Variants in TUBGCP6 observed in about 807,000 individuals in gnomAD.
TUBGCP6 encodes the protein tubulin gamma complex component 6.
Under a neutral mutation model 175.8 loss-of-function variants are expected in TUBGCP6, and 161 were observed. The observed-to-expected ratio is 0.92, with a 90% CI of 0.81 to 1.04. The LOEUF (loss-of-function observed/expected upper bound fraction) is 1.04. Among genes scored for constraint, TUBGCP6 ranks in the 50% least tolerant of loss-of-function variants. TUBGCP6 has a pLI of 0.00. For missense variants in TUBGCP6, 2,572 were observed against 2,433.0 expected, an observed-to-expected ratio of 1.06 and a Z score of -1.20; for synonymous variants, 1,173 against 1,030.5, an observed-to-expected ratio of 1.14 and a Z score of -2.65.
chr22:50,218,638 T>A lies in TUBGCP6; in HGVS notation c.4822-18A>T, dbSNP rs2064459728. The A allele has an allele frequency of 6.2e-7, 1 of 1,613,726 alleles. No homozygotes were observed. The highest frequency in any genetic ancestry group is 8.5e-7 in the Non-Finnish European group (1 of 1,179,898). ...CAGTCCACCTGCCAGGAGGCGTGGC[T>A]CAGCAGGCATCCCACAGGCAGGCAG... On this transcript the variant is annotated intron_variant, in intron 21 of 24. Coordinates refer to ENST00000248846, the MANE Select transcript of TUBGCP6 (RefSeq NM_020461.4).
chr22:50,219,249 G>T lies in TUBGCP6; in HGVS notation c.4484+39C>A, dbSNP rs767337736. The T allele has an allele frequency of 7.5e-6, 12 of 1,610,424 alleles. No individual in the cohort carries two copies. In the South Asian group the frequency reaches 1.2e-4, roughly 16 times the overall value. On this transcript the variant is annotated intron_variant, in intron 19 of 24. Coordinates refer to ENST00000248846, the MANE Select transcript of TUBGCP6 (RefSeq NM_020461.4). ...CTGGAGTCAGGGCGGGCCAGGACGG[G>T]CTGGGTGGGCAGACTGGCGCAGGGG... is the stretch of plus-strand genomic sequence containing the variant.
In TUBGCP6 at chr22:50,238,722, A is replaced by G. The variant is rs1286843507; in HGVS notation, c.905+1482T>C. ...CTGGCTAATTTTTTGTATTTTTAGT[A>G]GAGACGGGGTTTCACTGTGTTAGCC... is the stretch of plus-strand genomic sequence containing the variant. On this transcript the variant is annotated intron_variant, in intron 2 of 24. Coordinates refer to ENST00000248846, the MANE Select transcript of TUBGCP6 (RefSeq NM_020461.4). 2.0e-5 allele frequency among the ~76,000 whole-genome samples: 3 copies of G among 151,982 alleles called. No homozygotes were observed. In the East Asian group the frequency reaches 5.9e-4, roughly 30 times the overall value.
intron 24 of TUBGCP6, 25 bp from the exon 25 acceptor site, chr22:50,217,852 C>G: frequency 6.2e-7 from 1 of 1,612,398 alleles, no homozygotes; most frequent in Non-Finnish European, 8.5e-7. Context: ...GCAGCTCAGG[C>G]TTTTGCCCAC....
Position 50,222,524 on chromosome 22 carries a change from C to T in TUBGCP6, c.2339G>A (p.Trp780Ter), listed in dbSNP as rs1602512628. The T allele has an allele frequency of 6.2e-7, 1 of 1,613,744 alleles. No homozygotes were observed. The highest frequency in any genetic ancestry group is 8.5e-7 in the Non-Finnish European group (1 of 1,180,028). ...EAARREQKALWRIQRHRLESA... is the reference protein window; with the variant it reads ...EAARREQKAL ...CTCCAGTCGGTGCCTCTGGATTCTC[C>T]ACAGTGCCTTCTGCTCCCGACGAGC... The change falls in exon 14 of 25, where the codon TGG becomes TAG. Residue 780 changes from tryptophan (W) to a stop codon, truncating the protein, a stop_gained. Coordinates refer to ENST00000248846, the MANE Select transcript of TUBGCP6 (RefSeq NM_020461.4). LOFTEE classifies it high-confidence loss of function.
intron 1 of TUBGCP6, among the ~76,000 whole-genome samples, chr22:50,242,977 G>C (rs536882774): frequency 6.6e-6 from 1 of 152,274 alleles, no homozygotes; most frequent in South Asian, 2.1e-4. Context: ...CCCACCTCAG[G>C]ACAATGCAGC....
At chr22:50,240,763 G>T (rs1232595588) in intron 1 of TUBGCP6, among the ~76,000 whole-genome samples, 1 of 152,198 alleles carries the variant, frequency 6.6e-6, no homozygotes, top group East Asian at 1.9e-4. Flanking sequence ...GCTGAGGCAG[G>T]TGGATCACCT....
chr22:50,244,788 C>T lies in TUBGCP6; in HGVS notation c.-329G>A. On this transcript the variant is annotated 5_prime_UTR_variant, in exon 1 of 25. Coordinates refer to ENST00000248846, the MANE Select transcript of TUBGCP6 (RefSeq NM_020461.4). ...GCAAAACCGAAGAACGAAACGCGCGCCCGCGCAGTACAGCGGACGAACTCG... is the reference window on the plus strand; with the variant it reads ...GCAAAACCGAAGAACGAAACGCGCGTCCGCGCAGTACAGCGGACGAACTCG... The T allele has an allele frequency of 3.1e-6, 1 of 318,590 alleles. No individual in the cohort carries two copies. The highest frequency in any genetic ancestry group is 5.9e-6 in the Non-Finnish European group (1 of 170,142). The allele number at this position is 318,590 out of a possible 1,614,324, so 19.7% of individuals were successfully genotyped here. A position where few individuals can be genotyped will look rare whatever the true frequency, so the allele number is the denominator to read the frequency against.
chr22:50,221,750 T>C lies in TUBGCP6; in HGVS notation c.2609A>G (p.Lys870Arg). The C allele has an allele frequency of 6.6e-7, 1 of 1,515,852 alleles. No homozygotes were observed. The highest frequency in any genetic ancestry group is 1.4e-5 in the African/African-American group (1 of 71,746). 93.9% of individuals were successfully genotyped at this position (1,515,852 alleles called of 1,614,324 possible). The change falls in exon 16 of 25, where the codon AAG (lysine) becomes AGG (arginine). Residue 870 changes from lysine to arginine, a missense_variant. Coordinates refer to ENST00000248846, the MANE Select transcript of TUBGCP6 (RefSeq NM_020461.4). ...GCCACCAGCCCCCACTGCTAGAGGCTTAAGGGGCTGTGGGGTCAGCAGGCC... is the reference window on the plus strand; with the variant it reads ...GCCACCAGCCCCCACTGCTAGAGGCCTAAGGGGCTGTGGGGTCAGCAGGCC... Reference protein sequence around the residue: ...RPGLLTPQPLKPLAVGAGGRG... With the variant: ...RPGLLTPQPLRPLAVGAGGRG...
In TUBGCP6 at chr22:50,226,343, C is replaced by T. The variant is rs765956025; in HGVS notation, c.1637G>A (p.Arg546Lys). ...IHDWVYSGVF[R>K]DAYGEFMIQV... The stretch of plus-strand genomic sequence containing the variant: ...AATCATGAACTCGCCATAAGCGTCT[C>T]TGAACACCCCGCTGTACACCCAGTC... Residue 546 changes from arginine (R) to lysine (K), a missense_variant, in exon 8 of 25, where the codon AGA (arginine) becomes AAA (lysine). Arg to Lys is a conservative substitution (Grantham distance 26). Coordinates refer to ENST00000248846, the MANE Select transcript of TUBGCP6 (RefSeq NM_020461.4). The T allele has an allele frequency of 6.2e-7, 1 of 1,613,060 alleles. No homozygotes were observed. The highest frequency in any genetic ancestry group is 1.1e-5 in the South Asian group (1 of 90,990).
chr22:50,221,570 G>T lies in TUBGCP6; in HGVS notation c.2789C>A (p.Pro930His), dbSNP rs765619147. ...VALQTINLDL[P>H]PSAPGEAPAA... ...GGGTGCCTCCCCAGGAGCTGAGGGG[G>T]GCAGGTCCAAGTTAATGGTCTGCAG... is the stretch of plus-strand genomic sequence containing the variant. Residue 930 changes from proline (P) to histidine (H), a missense_variant, in exon 16 of 25, where the codon CCC (proline) becomes CAC (histidine). Coordinates refer to ENST00000248846, the MANE Select transcript of TUBGCP6 (RefSeq NM_020461.4). The T allele has an allele frequency of 2.5e-6, 4 of 1,586,720 alleles. No homozygotes were observed. The African/African-American group carries it at 4.0e-5, about 16-fold the overall frequency.
chr22:50,230,302 C>T (rs1473002016), intron 3 of TUBGCP6, among the ~76,000 whole-genome samples: 1 of 151,856 alleles, frequency 6.6e-6, no homozygotes, highest in Non-Finnish European at 1.5e-5. Context: ...AGACCCCCAT[C>T]TCTAAAAAAA....
In TUBGCP6 at chr22:50,244,405, C is replaced by A; in HGVS notation, c.55G>T (p.Ala19Ser). Residue 19 changes from alanine to serine, a missense_variant, in exon 1 of 25, where the codon GCC becomes TCC. Coordinates refer to ENST00000248846, the MANE Select transcript of TUBGCP6 (RefSeq NM_020461.4). ...CTGCGCTGGCCCAGGTGAGTCTTGG[C>A]AGCCGGCAGGAGGGCCTCACACAGG... ...DDLCEALLPA[A>S]KTHLGQRSVN... The A allele has an allele frequency of 1.2e-6, 2 of 1,613,130 alleles. No homozygotes were observed. The highest frequency in any genetic ancestry group is 1.7e-6 in the Non-Finnish European group (2 of 1,180,004).
At chr22:50,230,781 AAAAG>A (rs950290509) in intron 3 of TUBGCP6, among the ~76,000 whole-genome samples, 10 of 151,090 alleles carry the variant, frequency 6.6e-5, no homozygotes, top group South Asian at 4.2e-4. Flanking sequence ...AAAAAAAAAA[AAAAG>A]AAAGAAAAGA....
rs2064497521 is a variant in TUBGCP6, at chr22:50,220,396, C to T, written c.3963G>A (p.Leu1321=). The T allele has an allele frequency of 4.4e-6, 7 of 1,574,550 alleles. No individual in the cohort carries two copies. Among genetic ancestry groups the T allele is most frequent in the Non-Finnish European group, 6.1e-6 (7 of 1,156,154 alleles). ...QSTVLDCGPR[L]PVEVGPSLSS... Reference sequence around the variant, plus strand: ...ACAGAGATGGCCCCACTTCTACAGGCAGCCGTGGCCCACAGTCCAGCACAG... The same window carrying T: ...ACAGAGATGGCCCCACTTCTACAGGTAGCCGTGGCCCACAGTCCAGCACAG... Residue 1321 remains leucine, a synonymous_variant, in exon 16 of 25, where the codon CTG becomes CTA. Transcript: ENST00000248846.
chr22:50,230,784 A>G (rs1158795138), intron 3 of TUBGCP6, among the ~76,000 whole-genome samples: 2 of 149,634 alleles, frequency 1.3e-5, no homozygotes, highest in Non-Finnish European at 3.0e-5. Context: ...AAAAAAAAAA[A>G]GAAAGAAAAG....
intron 2 of TUBGCP6, among the ~76,000 whole-genome samples, chr22:50,237,394 G>A (rs747965780): frequency 1.1e-4 from 16 of 152,236 alleles, no homozygotes; most frequent in Non-Finnish European, 2.1e-4. Context: ...AAGACCAAAC[G>A]ATTTGCCAAA....
At chr22:50,218,431 AG>A in intron 22 of TUBGCP6, 29 bp from the exon 23 acceptor site, 1 of 1,612,900 alleles carries the variant, frequency 6.2e-7, no homozygotes, top group Non-Finnish European at 8.5e-7. Context: ...CAGAGGGCAG[AG>A]GTGAGCGCAG....
chr22:50,237,146 C>A (rs1358280015), intron 2 of TUBGCP6, among the ~76,000 whole-genome samples: 1 of 152,242 alleles, frequency 6.6e-6, no homozygotes, highest in African/African-American at 2.4e-5. Context: ...TAACCCAGCC[C>A]TTGCAGCTCA....
chr22:50,217,756 T>A lies in TUBGCP6; in HGVS notation c.5440A>T (p.Asn1814Tyr), dbSNP rs762167154. Residue 1814 changes from asparagine (N) to tyrosine (Y), a missense_variant, in exon 25 of 25, where the codon AAC (asparagine) becomes TAC (tyrosine). Physicochemically the swap from Asn to Tyr is moderately radical, Grantham distance 143. Transcript: ENST00000248846. ...CAGCCTCAGGCGTCCTGGTAGTAGT[T>A]GTTGAAGTTGATGCGCAGCAGAAAG... ...EDFLLRINFN[N>Y]YYQDA The A allele has an allele frequency of 2.3e-5, 37 of 1,613,670 alleles. No individual in the cohort carries two copies. The highest frequency in any genetic ancestry group is 3.3e-5 in the South Asian group (3 of 91,060).
Sources: gnomAD v4.1 joint callset for allele counts (sites outside exome capture counted in the v4.1 genomes callset) on GRCh38, gnomAD v4.1.1 for gene constraint, MANE v1.5 for transcripts, NCBI Gene and HGNC (gene_info 2026-07-23, HGNC 2026-07-21) for gene names.